Variants in ARMH3 observed in about 807,000 individuals in gnomAD.
ARMH3 encodes the protein armadillo like helical domain containing 3, also known as armadillo-like helical domain-containing protein 3.
In ARMH3, 60 loss-of-function variants were observed where a neutral mutation model predicts 99.1. The observed-to-expected ratio is 0.61, with a 90% CI of 0.49 to 0.75. The LOEUF is 0.75. ARMH3 is among the 30% of genes least tolerant of loss of function. The probability of loss-of-function intolerance (pLI) is 0.00; values close to 1 mark genes in which losing one functional copy is unlikely to be tolerated. For missense variants in ARMH3, 679 were observed against 843.1 expected (o/e 0.81, Z 2.41); for synonymous variants, 285 against 292.8 (o/e 0.97, Z 0.27).
At chr10:102,040,153 T>G (rs747900453) in intron 1 of ARMH3, 28 bp from the exon 2 acceptor site, 1 of 1,550,956 alleles carries the variant, frequency 6.4e-7, no homozygotes, top group South Asian at 1.1e-5. Context: ...CATTTTAGAA[T>G]AGTGAAAATA....
intron 19 of ARMH3, 125 bp from the exon 20 acceptor site, chr10:101,975,425 T>C (rs530910066): frequency 5.0e-6 from 3 of 601,678 alleles, no homozygotes; most frequent in Non-Finnish European, 8.8e-6. Flanking sequence ...TATGTATACA[T>C]GCAAAAAAAT....
intron 23 of ARMH3, among the ~76,000 whole-genome samples, chr10:101,911,246 T>A (rs1163547560): frequency 6.6e-6 from 1 of 152,168 alleles, no homozygotes. Context: ...TTATTGACAC[T>A]CTATAAGCTG....
chr10:101,897,583 G>T (rs1191817814), intron 23 of ARMH3, among the ~76,000 whole-genome samples: 1 of 151,932 alleles, frequency 6.6e-6, no homozygotes, highest in Non-Finnish European at 1.5e-5. Flanking sequence ...GTAAGCCTAG[G>T]TTTTGTTTGT....
chr10:101,987,026 G>C (rs1311511020), intron 19 of ARMH3, among the ~76,000 whole-genome samples: 1 of 152,204 alleles, frequency 6.6e-6, no homozygotes, highest in Non-Finnish European at 1.5e-5. Context: ...GAGGGAGTTA[G>C]AACATTTGGG....
intron 23 of ARMH3, among the ~76,000 whole-genome samples, chr10:101,909,590 C>T (rs187317968): frequency 2.6e-5 from 4 of 151,350 alleles, no homozygotes; most frequent in Admixed American, 6.6e-5. Flanking sequence ...CTATCTCAGC[C>T]GCCTGAGTAG....
chr10:101,947,853 C>A (rs1295917986), intron 22 of ARMH3, among the ~76,000 whole-genome samples: 1 of 151,422 alleles, frequency 6.6e-6, no homozygotes, highest in Non-Finnish European at 1.5e-5. Context: ...TATATAGTAG[C>A]AAAGTTTCTA....
chr10:101,880,017 CT>C (rs1484468936), intron 24 of ARMH3, among the ~76,000 whole-genome samples: 2 of 152,252 alleles, frequency 1.3e-5, no homozygotes, highest in Non-Finnish European at 2.9e-5. Context: ...AACAGGTCAG[CT>C]GAAATGCCAG....
At chr10:102,055,263 C>G (rs1463027629) in intron 1 of ARMH3, among the ~76,000 whole-genome samples, 1 of 151,918 alleles carries the variant, frequency 6.6e-6, no homozygotes, top group Non-Finnish European at 1.5e-5. Context: ...GGCAACTGCA[C>G]TCCAGACTGG....
At chr10:102,017,531 G>T (rs1329487032) in intron 8 of ARMH3, among the ~76,000 whole-genome samples, 2 of 152,184 alleles carry the variant, frequency 1.3e-5, no homozygotes, top group Non-Finnish European at 2.9e-5. Flanking sequence ...CCAGTAGAAT[G>T]CTCCAAAAAT....
chr10:102,035,821 G>A (rs1286719267), intron 2 of ARMH3, among the ~76,000 whole-genome samples: 1 of 152,086 alleles, frequency 6.6e-6, no homozygotes, highest in Admixed American at 6.6e-5. Context: ...CTGCCCGGCC[G>A]CCACCCCGAC....
chr10:101,982,038 A>C (rs1463127688), intron 19 of ARMH3, among the ~76,000 whole-genome samples: 2 of 150,836 alleles, frequency 1.3e-5, no homozygotes, highest in Non-Finnish European at 3.0e-5. Context: ...AAAAAAAAAA[A>C]AAAAAACAAA....
intron 15 of ARMH3, among the ~76,000 whole-genome samples, chr10:101,999,008 T>TA (rs2066282650): frequency 6.6e-6 from 1 of 152,180 alleles, no homozygotes; most frequent in Non-Finnish European, 1.5e-5. Flanking sequence ...AGTTAGTTCC[T>TA]AAAAAGGATT....
At chr10:101,942,647 A>G (rs1204593557) in intron 22 of ARMH3, among the ~76,000 whole-genome samples, 1 of 152,124 alleles carries the variant, frequency 6.6e-6, no homozygotes, top group Non-Finnish European at 1.5e-5. Context: ...GGATCACTTG[A>G]GGTCAGGCAT....
At chr10:101,924,902 G>C (rs943619840) in intron 23 of ARMH3, among the ~76,000 whole-genome samples, 2 of 152,176 alleles carry the variant, frequency 1.3e-5, no homozygotes, top group African/African-American at 4.8e-5. Context: ...GCTGAGGCGG[G>C]AGGATTGCTT....
intron 22 of ARMH3, among the ~76,000 whole-genome samples, chr10:101,951,888 GAAGA>G (rs1231745357): frequency 2.9e-5 from 4 of 136,476 alleles, no homozygotes; most frequent in Non-Finnish European, 4.7e-5. Context: ...AAAAGAAGAA[GAAGA>G]AAGGAAGGAA....
chr10:101,939,990 A>G (rs1333960426), intron 22 of ARMH3, 52 bp from the exon 23 acceptor site: 3 of 1,472,604 alleles, frequency 2.0e-6, no homozygotes, highest in African/African-American at 2.8e-5. Context: ...ATAAAACACA[A>G]ACATGAGGAA....
intron 8 of ARMH3, among the ~76,000 whole-genome samples, chr10:102,023,187 C>CAA (rs57196032): frequency 7.8e-6 from 1 of 128,846 alleles, no homozygotes; most frequent in East Asian, 2.3e-4. Context: ...AAATCCGTCT[C>CAA]AAAAAAAAAA....
chr10:101,868,015 CATCA>C (rs2067045383), intron 24 of ARMH3, among the ~76,000 whole-genome samples: 1 of 151,216 alleles, frequency 6.6e-6, no homozygotes, highest in African/African-American at 2.4e-5. Flanking sequence ...CCATGAAAGT[CATCA>C]AGTCCAAAAC....
chr10:101,915,266 C>A (rs920622318), intron 23 of ARMH3, among the ~76,000 whole-genome samples: 4 of 152,140 alleles, frequency 2.6e-5, no homozygotes, highest in Admixed American at 2.6e-4. Context: ...AGGTCCAGTG[C>A]TGAAAATCAT....
Sources: allele counts gnomAD v4.1 joint callset (sites outside exome capture counted in the v4.1 genomes callset), GRCh38; gene constraint gnomAD v4.1.1; transcripts MANE v1.5; gene names NCBI Gene and HGNC (gene_info 2026-07-23, HGNC 2026-07-21).